CPNE8: variants seen among roughly 807,000 people sequenced by gnomAD.
CPNE8 encodes the protein copine-8.
In CPNE8, 45 loss-of-function variants were observed where a neutral mutation model predicts 81.5. That is an observed-to-expected ratio of 0.55 (90% CI 0.44 to 0.71). The LOEUF (loss-of-function observed/expected upper bound fraction) is 0.71, where lower values mean the gene tolerates loss of function less well. Among genes scored for constraint, CPNE8 ranks in the 30% least tolerant of loss-of-function variants. The pLI, the probability that CPNE8 is intolerant of heterozygous loss-of-function variation, is 0.00. For missense variants in CPNE8, 594 were observed against 672.1 expected (o/e 0.88, Z 1.28); for synonymous variants, 252 against 226.3 (o/e 1.11, Z -1.02).
At chr12:38,896,385 T>G (rs1191635848) in intron 1 of CPNE8, among the ~76,000 whole-genome samples, 1 of 152,074 alleles carries the variant, frequency 6.6e-6, no homozygotes, top group Non-Finnish European at 1.5e-5. Flanking sequence ...TTGCCAATAT[T>G]AAGGTATTGT....
chr12:38,658,363 A>G (rs1249501646), intron 19 of CPNE8, among the ~76,000 whole-genome samples: 3 of 152,216 alleles, frequency 2.0e-5, no homozygotes, highest in Non-Finnish European at 4.4e-5. Flanking sequence ...AAGAGTAAAA[A>G]GAAATGAGCA....
chr12:38,891,425 T>C (rs1266626471), intron 1 of CPNE8, among the ~76,000 whole-genome samples: 1 of 152,130 alleles, frequency 6.6e-6, no homozygotes, highest in Non-Finnish European at 1.5e-5. Flanking sequence ...GGCATTTCAG[T>C]GTTCTCACTA....
At chr12:38,785,115 A>T (rs1279450011) in intron 6 of CPNE8, among the ~76,000 whole-genome samples, 4 of 151,854 alleles carry the variant, frequency 2.6e-5, no homozygotes, top group Non-Finnish European at 5.9e-5. Flanking sequence ...TAATCGCTTG[A>T]ACCCAGGAGG....
intron 16 of CPNE8, 64 bp from the exon 17 acceptor site, chr12:38,677,618 C>A: frequency 1.1e-6 from 1 of 879,326 alleles, no homozygotes; most frequent in Non-Finnish European, 1.9e-6. Flanking sequence ...TTGGTAAATA[C>A]AATTTGGAAT....
intron 6 of CPNE8, among the ~76,000 whole-genome samples, chr12:38,820,588 A>G (rs1476217492): frequency 3.3e-5 from 5 of 152,162 alleles, no homozygotes; most frequent in Admixed American, 3.3e-4. Context: ...TTTGAGTGAA[A>G]CTGAGAATGT....
intron 6 of CPNE8, among the ~76,000 whole-genome samples, chr12:38,810,134 T>C (rs1477339633): frequency 6.6e-6 from 1 of 152,174 alleles, no homozygotes; most frequent in African/African-American, 2.4e-5. Context: ...CTTTCATTTA[T>C]ACTCTCCCTC....
chr12:38,751,695 T>C (rs1941355830), intron 10 of CPNE8, among the ~76,000 whole-genome samples: 1 of 152,034 alleles, frequency 6.6e-6, no homozygotes, highest in Non-Finnish European at 1.5e-5. Flanking sequence ...GCACTGGAGA[T>C]AAAAAAATAT....
At chr12:38,882,513 A>C (rs1404313471) in intron 1 of CPNE8, among the ~76,000 whole-genome samples, 2 of 152,202 alleles carry the variant, frequency 1.3e-5, no homozygotes, top group African/African-American at 4.8e-5. Flanking sequence ...GTGGCAATTT[A>C]TTATAACAGC....
intron 6 of CPNE8, among the ~76,000 whole-genome samples, chr12:38,807,821 C>T (rs1942847079): frequency 2.6e-5 from 4 of 151,896 alleles, no homozygotes; most frequent in African/African-American, 4.8e-5. Flanking sequence ...AGGCAACCTA[C>T]AAAATGGGAG....
At chr12:38,742,723 A>G (rs1941139140) in intron 10 of CPNE8, among the ~76,000 whole-genome samples, 2 of 150,564 alleles carry the variant, frequency 1.3e-5, no homozygotes, top group African/African-American at 2.4e-5. Context: ...TAAAACATAA[A>G]CCATAGGAAG....
intron 6 of CPNE8, among the ~76,000 whole-genome samples, chr12:38,805,446 G>T (rs1193177931): frequency 1.2e-5 from 1 of 81,516 alleles, no homozygotes; most frequent in Non-Finnish European, 2.5e-5. Context: ...TCACTCATAG[G>T]TGGGAATTGA....
At chr12:38,791,578 A>C (rs1347994095) in intron 6 of CPNE8, among the ~76,000 whole-genome samples, 1 of 151,690 alleles carries the variant, frequency 6.6e-6, no homozygotes, top group African/African-American at 2.4e-5. Context: ...AACCTAAACA[A>C]ACTAGCATTA....
chr12:38,682,698 G>A (rs1013239972), intron 16 of CPNE8, among the ~76,000 whole-genome samples: 1 of 151,984 alleles, frequency 6.6e-6, no homozygotes, highest in Non-Finnish European at 1.5e-5. Flanking sequence ...CCTTCAATGT[G>A]GAAAAGATCT....
intron 10 of CPNE8, among the ~76,000 whole-genome samples, chr12:38,742,121 C>T (rs567355837): frequency 4.2e-4 from 64 of 152,264 alleles, no homozygotes; most frequent in Middle Eastern, 3.4e-3. Context: ...TGTGGCGATT[C>T]CTTAGGGATC....
At chr12:38,669,278 T>C (rs988392829) in intron 19 of CPNE8, among the ~76,000 whole-genome samples, 8 of 152,198 alleles carry the variant, frequency 5.3e-5, no homozygotes, top group Admixed American at 1.3e-4. Context: ...TTTTGCTGAC[T>C]AATGAAGAAT....
chr12:38,813,765 T>C (rs1032947158), intron 6 of CPNE8, among the ~76,000 whole-genome samples: 1 of 152,162 alleles, frequency 6.6e-6, no homozygotes, highest in South Asian at 2.1e-4. Flanking sequence ...GAATTCTGCA[T>C]AAAATTCCAG....
intron 15 of CPNE8, among the ~76,000 whole-genome samples, chr12:38,691,604 A>G (rs1939677434): frequency 6.6e-6 from 1 of 151,960 alleles, no homozygotes; most frequent in African/African-American, 2.4e-5. Context: ...TATTTTCATC[A>G]TCAATGTGGG....
chr12:38,888,176 A>G (rs1944262781), intron 1 of CPNE8, among the ~76,000 whole-genome samples: 2 of 152,218 alleles, frequency 1.3e-5, no homozygotes, highest in Admixed American at 1.3e-4. Context: ...TATTGATCAT[A>G]TGACTGGATT....
chr12:38,799,530 G>A (rs1186069939), intron 6 of CPNE8, among the ~76,000 whole-genome samples: 1 of 152,016 alleles, frequency 6.6e-6, no homozygotes, highest in Non-Finnish European at 1.5e-5. Context: ...CAGAATCTCT[G>A]GGACGCATTC....
Sources: gnomAD v4.1 joint callset for allele counts (sites outside exome capture counted in the v4.1 genomes callset) on GRCh38, gnomAD v4.1.1 for gene constraint, MANE v1.5 for transcripts, NCBI Gene and HGNC (gene_info 2026-07-23, HGNC 2026-07-21) for gene names.